MARCHF10: variants seen among roughly 807,000 people sequenced by gnomAD.
MARCHF10 encodes the protein membrane associated ring-CH-type finger 10, also known as probable E3 ubiquitin-protein ligase MARCHF10.
MARCHF10 carries 64 observed loss-of-function variants against 76.2 expected under a neutral mutation model. The ratio of observed to expected loss-of-function variants is 0.84; its 90% CI spans 0.69 to 1.03. MARCHF10 has a LOEUF of 1.03. Among genes scored for constraint, MARCHF10 ranks in the 50% least tolerant of loss-of-function variants. The probability of loss-of-function intolerance (pLI) is 0.00; values close to 1 mark genes in which losing one functional copy is unlikely to be tolerated. For missense variants in MARCHF10, 875 were observed against 958.0 expected, an observed-to-expected ratio of 0.91 and a Z score of 1.14; for synonymous variants, 340 against 357.5, an observed-to-expected ratio of 0.95 and a Z score of 0.55.
rs546005718 is a variant in MARCHF10, at chr17:62,764,659, A to G, written c.211-4653T>C. 2.6e-5 allele frequency among the ~76,000 whole-genome samples: 4 copies of G among 152,344 alleles called. No homozygotes were observed. In the East Asian group the frequency reaches 7.7e-4, roughly 29 times the overall value. On this transcript the variant is annotated intron_variant, in intron 3 of 10. Transcript: ENST00000311269. ...CACACTCAAATTGTGCTTCAAACACAAAAACCACCTTAGGGAATTGAGGGC... is the reference window on the plus strand; with the variant it reads ...CACACTCAAATTGTGCTTCAAACACGAAAACCACCTTAGGGAATTGAGGGC...
chr17:62,731,921 AT>A (rs2091041109), intron 6 of MARCHF10, among the ~76,000 whole-genome samples: 1 of 152,226 alleles, frequency 6.6e-6, no homozygotes, highest in Non-Finnish European at 1.5e-5. Context: ...AACTACTAAT[AT>A]TTTTTACAGT....
At chr17:62,759,319 G>C (rs145844770) in intron 4 of MARCHF10, among the ~76,000 whole-genome samples, 1 of 152,170 alleles carries the variant, frequency 6.6e-6, no homozygotes, top group African/African-American at 2.4e-5. Flanking sequence ...AAATGCGGGC[G>C]GTGGAGAAAG....
intron 5 of MARCHF10, among the ~76,000 whole-genome samples, chr17:62,742,880 A>G (rs1196958470): frequency 6.6e-6 from 1 of 151,160 alleles, no homozygotes; most frequent in East Asian, 1.9e-4. Flanking sequence ...GTGATCTTCC[A>G]CCTCCGCCTC....
intron 1 of MARCHF10, among the ~76,000 whole-genome samples, chr17:62,805,917 AT>A (rs78963075): frequency 0.36 from 51,748 of 145,754 alleles, 9,607 homozygotes; most frequent in African/African-American, 0.48. Context: ...ATAAAAAAAA[AT>A]AATAATAATA....
In MARCHF10 at chr17:62,736,122, T is replaced by C; in HGVS notation, c.1746A>G (p.Arg582=). 3 of 1,614,156 alleles carry C rather than the reference T, an allele frequency of 1.9e-6. No individual in the cohort carries two copies. Among genetic ancestry groups the C allele is most frequent in the Non-Finnish European group, 2.5e-6 (3 of 1,180,020 alleles). Residue 582 remains arginine, a synonymous_variant, in exon 6 of 11, where the codon AGA becomes AGG. Coordinates refer to ENST00000311269, the MANE Select transcript of MARCHF10 (RefSeq NM_152598.4). Reference sequence around the variant, plus strand: ...CATGCAAATGGCCTTCTGAGTTCATTCTTGATGGAGAGGAGCTGGAAGAAT... The same window carrying C: ...CATGCAAATGGCCTTCTGAGTTCATCCTTGATGGAGAGGAGCTGGAAGAAT... ...LVDSSSSSPS[R]MNSEGHLHVS...
chr17:62,722,216 G>C (rs930405414), intron 8 of MARCHF10, among the ~76,000 whole-genome samples: 1 of 144,694 alleles, frequency 6.9e-6, no homozygotes, highest in African/African-American at 2.6e-5. Context: ...CTGTGAGGCA[G>C]AGTTTGCAGT....
intron 4 of MARCHF10, among the ~76,000 whole-genome samples, chr17:62,755,452 G>C (rs975117006): frequency 1.3e-5 from 2 of 152,202 alleles, no homozygotes; most frequent in Admixed American, 1.3e-4. Flanking sequence ...CAGCAGGCAG[G>C]CCTTGGAGGC....
intron 6 of MARCHF10, among the ~76,000 whole-genome samples, chr17:62,734,833 AT>A (rs985169302): frequency 4.5e-4 from 69 of 152,324 alleles, no homozygotes; most frequent in African/African-American, 1.6e-3. Context: ...CTGGAAGTGA[AT>A]GCATTTTCAA....
At chr17:62,704,406 C>A (rs1321134043) in intron 10 of MARCHF10, among the ~76,000 whole-genome samples, 1 of 152,188 alleles carries the variant, frequency 6.6e-6, no homozygotes, top group Non-Finnish European at 1.5e-5. Flanking sequence ...TGCGCCCGGG[C>A]TGGGGCTCCC....
Position 62,712,124 on chromosome 17 carries a change from T to C in MARCHF10, c.2215-780A>G, listed in dbSNP as rs2089965965. Reference sequence around the variant, plus strand: ...ACCTTCCATAAATCAGTGGTATTAGTAACAACTACTCCTATCCCTCTATAG... The same window carrying C: ...ACCTTCCATAAATCAGTGGTATTAGCAACAACTACTCCTATCCCTCTATAG... On this transcript the variant is annotated intron_variant, in intron 8 of 10. Transcript: ENST00000311269. The surrounding 1 kb of genome is among the most constrained non-coding windows in gnomAD (Gnocchi z 4.2). Among the ~76,000 whole-genome samples, 1 of 152,160 alleles carries C rather than the reference T, an allele frequency of 6.6e-6. No individual in the cohort carries two copies. Among genetic ancestry groups the C allele is most frequent in the African/African-American group, 2.4e-5 (1 of 41,454 alleles).
At chr17:62,803,680 C>T (rs1400818824) in intron 1 of MARCHF10, among the ~76,000 whole-genome samples, 2 of 152,078 alleles carry the variant, frequency 1.3e-5, no homozygotes, top group Non-Finnish European at 2.9e-5. Flanking sequence ...CCACCACACC[C>T]GGCTAATTTT....
At chr17:62,783,721 T>C (rs1321257634) in intron 3 of MARCHF10, among the ~76,000 whole-genome samples, 1 of 152,056 alleles carries the variant, frequency 6.6e-6, no homozygotes, top group Non-Finnish European at 1.5e-5. Flanking sequence ...AAATACAAAC[T>C]ACCATCAGAG....
chr17:62,715,522 G>C (rs57352577), intron 8 of MARCHF10, among the ~76,000 whole-genome samples: 7,770 of 152,202 alleles, frequency 0.051, 677 homozygotes, highest in African/African-American at 0.18. Context: ...GCCCTCCACC[G>C]CAAAACCGAG....
chr17:62,800,217 A>G lies in MARCHF10; in HGVS notation c.90+1429T>C, dbSNP rs78821507. Among the ~76,000 whole-genome samples the G allele has an allele frequency of 6.2e-4, 95 of 152,256 alleles. No homozygotes were observed. In the East Asian group the frequency reaches 0.016, roughly 25 times the overall value. On this transcript the variant is annotated intron_variant, in intron 2 of 10. Coordinates refer to ENST00000311269, the MANE Select transcript of MARCHF10 (RefSeq NM_152598.4). Reference sequence around the variant, plus strand: ...ATGAAAAGGCAGTGTTAAGAGCCCAATGGAGATTAGAAAATAAAACGGCAA... The same window carrying G: ...ATGAAAAGGCAGTGTTAAGAGCCCAGTGGAGATTAGAAAATAAAACGGCAA...
At chr17:62,724,558 G>A (rs1599103788) in intron 7 of MARCHF10, among the ~76,000 whole-genome samples, 1 of 152,046 alleles carries the variant, frequency 6.6e-6, no homozygotes, top group Admixed American at 6.5e-5. Flanking sequence ...TCTGCTAGCT[G>A]GGCACGGCTA....
At chr17:62,766,459 C>G (rs988578125) in intron 3 of MARCHF10, among the ~76,000 whole-genome samples, 4 of 151,528 alleles carry the variant, frequency 2.6e-5, no homozygotes, top group African/African-American at 9.7e-5. Flanking sequence ...GAGATAGCAC[C>G]ATTGCACTCC....
chr17:62,788,738 T>G (rs115933304), intron 2 of MARCHF10, 139 bp from the exon 3 acceptor site: 2 of 1,222,168 alleles, frequency 1.6e-6, no homozygotes, highest in East Asian at 4.8e-5. Flanking sequence ...TCACCAAGTA[T>G]AAAGACCAGG....
intron 4 of MARCHF10, among the ~76,000 whole-genome samples, chr17:62,748,063 T>C (rs2091768392): frequency 1.3e-5 from 2 of 152,186 alleles, no homozygotes; most frequent in African/African-American, 2.4e-5. Flanking sequence ...CAGTCACAAA[T>C]GAGGTGACCT....
intron 3 of MARCHF10, among the ~76,000 whole-genome samples, chr17:62,779,054 C>A (rs1021083612): frequency 3.9e-5 from 6 of 152,224 alleles, no homozygotes; most frequent in African/African-American, 1.4e-4. Context: ...CACATTCTCT[C>A]TCCATGACGT....
Sources: allele counts gnomAD v4.1 joint callset (sites outside exome capture counted in the v4.1 genomes callset), GRCh38; gene constraint gnomAD v4.1.1; non-coding constraint Gnocchi (gnomAD v3.1); transcripts MANE v1.5; gene names NCBI Gene and HGNC (gene_info 2026-07-23, HGNC 2026-07-21).